Variants in NLRP12 observed in about 807,000 individuals in gnomAD.
NLRP12 encodes NLR family pyrin domain containing 12.
NLRP12 carries 108 observed loss-of-function variants against 91.2 expected under a neutral mutation model. That is an observed-to-expected ratio of 1.18 (90% CI 1.01 to 1.39). The LOEUF is 1.39. Ranked by LOEUF, NLRP12 falls within the 40% of genes most tolerant of loss-of-function variation. The pLI, the probability that NLRP12 is intolerant of heterozygous loss-of-function variation, is 0.00. For missense variants in NLRP12, 1,530 were observed against 1,352.7 expected, an observed-to-expected ratio of 1.13 and a Z score of -2.06; for synonymous variants, 613 against 566.7, an observed-to-expected ratio of 1.08 and a Z score of -1.16.
At chr19:53,801,927 T>C (rs892277050) in intron 6 of NLRP12, among the ~76,000 whole-genome samples, 7 of 151,840 alleles carry the variant, frequency 4.6e-5, no homozygotes, top group Admixed American at 6.6e-5. Flanking sequence ...ACCCCCTCTC[T>C]ACTAATAATA....
intron 2 of NLRP12, among the ~76,000 whole-genome samples, chr19:53,811,565 A>G (rs781443327): frequency 6.6e-6 from 1 of 151,746 alleles, no homozygotes; most frequent in Non-Finnish European, 1.5e-5. Context: ...AGACTAGGTT[A>G]TAAGACTGGC....
intron 2 of NLRP12, among the ~76,000 whole-genome samples, chr19:53,811,693 A>C (rs1398238022): frequency 6.6e-6 from 1 of 150,948 alleles, no homozygotes; most frequent in Non-Finnish European, 1.5e-5. Context: ...CAGCCTCCCG[A>C]GTAGCTGGGA....
chr19:53,816,113 A>G (rs2092155574), intron 1 of NLRP12, among the ~76,000 whole-genome samples: 2 of 151,930 alleles, frequency 1.3e-5, no homozygotes, highest in Non-Finnish European at 2.9e-5. Context: ...GATTCTACAC[A>G]TCGAGTCCTT....
chr19:53,798,770 T>G (rs2091816939), intron 7 of NLRP12, among the ~76,000 whole-genome samples: 1 of 152,082 alleles, frequency 6.6e-6, no homozygotes, highest in African/African-American at 2.4e-5. Flanking sequence ...CGATGGCGTT[T>G]CCCTCTTGTT....
Position 53,805,311 on chromosome 19 carries a change from G to A in NLRP12, c.2383C>T (p.Arg795Trp), listed in dbSNP as rs762384329. 55 of 1,614,056 alleles carry A rather than the reference G, an allele frequency of 3.4e-5. No homozygotes were observed. Among genetic ancestry groups the A allele is most frequent in the East Asian group, 2.2e-4 (10 of 44,864 alleles). The part of the protein sequence containing the change: ...PGMMLLCEGL[R>W]HPQCRLQMIQ... The stretch of plus-strand genomic sequence containing the variant: ...ATCTGCAGCCTGCACTGGGGATGCC[G>A]CAGGCCCTCGCAAAGCAGCATCATG... Residue 795 changes from arginine (R) to tryptophan (W), a missense_variant, in exon 5 of 10, where the codon CGG becomes TGG. Transcript: ENST00000324134.
Position 53,813,278 on chromosome 19 carries a change from ATTCTTTTTTTTTTTTCTT to A in NLRP12, c.370+1612_370+1629del, listed in dbSNP as rs1426060276. Among the ~76,000 whole-genome samples, 490 of 109,980 alleles carry A rather than the reference ATTCTTTTTTTTTTTTCTT, an allele frequency of 4.5e-3. 2 individuals are homozygous for A. Among genetic ancestry groups the A allele is most frequent in the African/African-American group, 0.013 (386 of 30,056 alleles). 72.2% of individuals were successfully genotyped at this position (109,980 alleles called of 152,430 possible). The stretch of plus-strand genomic sequence containing the variant: ...ATTTCTCCTCTCCCTGGCAACTGCT[ATTCTTTTTTTTTTTTCTT>A]TTCTTTTTTTTTTTTTTTTTTTTTG... On this transcript the variant is annotated intron_variant, in intron 2 of 9. Coordinates refer to ENST00000324134, the MANE Select transcript of NLRP12 (RefSeq NM_144687.4).
chr19:53,820,328 G>A (rs548088725), intron 1 of NLRP12, among the ~76,000 whole-genome samples: 2 of 152,172 alleles, frequency 1.3e-5, no homozygotes, highest in Non-Finnish European at 2.9e-5. Context: ...TTAGGAGTTC[G>A]AGACCAGCCT....
intron 9 of NLRP12, among the ~76,000 whole-genome samples, chr19:53,795,399 G>T (rs1297768094): frequency 6.6e-6 from 1 of 151,138 alleles, no homozygotes; most frequent in African/African-American, 2.4e-5. Flanking sequence ...TTTTGAGATG[G>T]AGTCTCACTC....
intron 3 of NLRP12, 120 bp downstream of exon 3, chr19:53,809,467 G>T: frequency 9.9e-7 from 1 of 1,013,830 alleles, no homozygotes; most frequent in Non-Finnish European, 1.4e-6. Flanking sequence ...GGAGGCGGAG[G>T]TTGCAGTGAG....
intron 1 of NLRP12, among the ~76,000 whole-genome samples, chr19:53,821,647 G>C (rs550823927): frequency 6.6e-6 from 1 of 152,034 alleles, no homozygotes; most frequent in Non-Finnish European, 1.5e-5. Context: ...CAGCCTGGGC[G>C]ACAGAGCAAG....
chr19:53,803,948 T>G lies in NLRP12; in HGVS notation c.2585+4A>C. The stretch of plus-strand genomic sequence containing the variant: ...TATTATAGTTGACCCCAGGAAGAAC[T>G]CACCACAAAGTCCGTAGTCTGCAGA... On this transcript the variant is annotated splice_donor_region_variant and intron_variant, in intron 6 of 9. Transcript: ENST00000324134. 3 of 1,613,790 alleles carry G rather than the reference T, an allele frequency of 1.9e-6. No individual in the cohort carries two copies. In the South Asian group the frequency reaches 3.3e-5, roughly 18 times the overall value.
Position 53,809,965 on chromosome 19 carries a change from C to G in NLRP12, c.1694G>C (p.Gly565Ala). 6.2e-7 allele frequency: 1 copy of G among 1,614,114 alleles called. No homozygotes were observed. Among genetic ancestry groups the G allele is most frequent in the Non-Finnish European group, 8.5e-7 (1 of 1,180,038 alleles). Residue 565 changes from glycine (G) to alanine (A), a missense_variant, in exon 3 of 10, where the codon GGA becomes GCA. Physicochemically the swap from Gly to Ala is moderately conservative, Grantham distance 60. Coordinates refer to ENST00000324134, the MANE Select transcript of NLRP12 (RefSeq NM_144687.4). ...GCTCCTGGTCTCCTCGTTCAGGAGT[C>G]CAAACAGGAAGCGGCTGGTGAGTGC... ...FLALTSRFLF[G>A]LLNEETRSHL...
intron 9 of NLRP12, among the ~76,000 whole-genome samples, chr19:53,794,975 G>A (rs1329623912): frequency 6.6e-6 from 1 of 151,920 alleles, no homozygotes; most frequent in African/African-American, 2.4e-5. Context: ...CTTGAGACAA[G>A]TTCCTGCTGG....
intron 6 of NLRP12, chr19:53,803,727 C>T (rs1360492993): frequency 1.9e-6 from 1 of 518,810 alleles, no homozygotes; most frequent in East Asian, 4.2e-5. Flanking sequence ...GCGTGTGCCA[C>T]CACATCCAGC....
Position 53,819,596 on chromosome 19 carries a change from T to TATACACAC in NLRP12, c.289+4289_289+4290insGTGTGTAT, listed in dbSNP as rs1463547451. 3.2e-4 allele frequency among the ~76,000 whole-genome samples: 17 copies of TATACACAC among 52,324 alleles called. 1 individual carries two copies. Among genetic ancestry groups the TATACACAC allele is most frequent in the East Asian group, 1.9e-3 (3 of 1,614 alleles). 34.3% of individuals were successfully genotyped at this position (52,324 alleles called of 152,430 possible). A position where few individuals can be genotyped will look rare whatever the true frequency, so the allele number is the denominator to read the frequency against. On this transcript the variant is annotated intron_variant, in intron 1 of 9. Coordinates refer to ENST00000324134, the MANE Select transcript of NLRP12 (RefSeq NM_144687.4). ...GCGTATATATGTATGTATACGTATA[T>TATACACAC]ACGCATATATATGTATGTATACGTA...
chr19:53,802,504 G>A (rs867333784), intron 6 of NLRP12, among the ~76,000 whole-genome samples: 4 of 151,978 alleles, frequency 2.6e-5, no homozygotes, highest in East Asian at 2.0e-4. Flanking sequence ...TCAGGAGATC[G>A]AGACCATCCT....
chr19:53,796,418 A>G (rs1277552656), intron 8 of NLRP12, among the ~76,000 whole-genome samples: 1 of 77,956 alleles, frequency 1.3e-5, no homozygotes, highest in Non-Finnish European at 2.4e-5. Context: ...CACCCAACTA[A>G]TTGTTGTATT....
intron 9 of NLRP12, among the ~76,000 whole-genome samples, chr19:53,795,237 G>T (rs2091732422): frequency 6.8e-6 from 1 of 147,650 alleles, no homozygotes. Context: ...CTGCACTCCA[G>T]CCTGGGCCAC....
At position 53,809,534 on chromosome 19, in the gene NLRP12, A is replaced by AAC. The variant is rs1600705492; in HGVS notation, c.2072+52_2072+53insGT. On this transcript the variant is annotated intron_variant, in intron 3 of 9. Transcript: ENST00000324134. The stretch of plus-strand genomic sequence containing the variant: ...CAACAGAGCAAAAAAAAAAAAAAAA[A>AAC]AAAAAAACACACGAACCTAAGCAGC... 6 of 1,436,778 alleles carry AAC rather than the reference A, an allele frequency of 4.2e-6. No individual in the cohort carries two copies. The East Asian group carries it at 1.2e-4, about 29-fold the overall frequency. The allele number at this position is 1,436,778 out of a possible 1,614,324, so 89.0% of individuals were successfully genotyped here.
Sources: gnomAD v4.1 joint callset for allele counts (sites outside exome capture counted in the v4.1 genomes callset) on GRCh38, gnomAD v4.1.1 for gene constraint, MANE v1.5 for transcripts, NCBI Gene and HGNC (gene_info 2026-07-23, HGNC 2026-07-21) for gene names.